TEX15: variants seen among roughly 807,000 people sequenced by gnomAD.
TEX15 encodes testis-expressed protein 15.
TEX15 carries 171 observed loss-of-function variants against 237.3 expected under a neutral mutation model. That is an observed-to-expected ratio of 0.72 (90% CI 0.64 to 0.82). The LOEUF is 0.82. Ranked by LOEUF, TEX15 falls within the 40% of genes least tolerant of loss-of-function variation. The pLI is 0.00. For synonymous variants in TEX15, 1,338 were observed against 1,269.8 expected (o/e 1.05, Z -1.14); for missense variants, 3,750 against 3,646.5 (o/e 1.03, Z -0.73).
chr8:30,907,627 T>TA (rs1354591459), intron 1 of TEX15, among the ~76,000 whole-genome samples: 1 of 144,716 alleles, frequency 6.9e-6, no homozygotes, highest in African/African-American at 2.5e-5. Flanking sequence ...AATTTATATA[T>TA]AAATTTTATA....
intron 8 of TEX15, 85 bp downstream of exon 8, chr8:30,841,919 A>G (rs1190547786): frequency 8.5e-6 from 8 of 940,830 alleles, no homozygotes; most frequent in East Asian, 2.6e-5. Flanking sequence ...TAACTTTTAG[A>G]ATTCTGCAAA....
In TEX15 at chr8:30,845,044, G is replaced by A. The variant is rs1485326193; in HGVS notation, c.5123C>T (p.Thr1708Ile). The change falls in exon 8 of 11, where the codon ACT (threonine) becomes ATT (isoleucine). Residue 1708 changes from threonine (T) to isoleucine (I), a missense_variant. Transcript: ENST00000643185. Reference protein sequence around the residue: ...GNFLMGPLNLTLIASKKYSIP... With the variant: ...GNFLMGPLNLILIASKKYSIP... ...ACTGTACTTTTTACTTGCTATCAAA[G>A]TTAGGTTTAATGGGCCCATAAGGAA... 2 of 1,613,484 alleles carry A rather than the reference G, an allele frequency of 1.2e-6. No individual in the cohort carries two copies. The highest frequency in any genetic ancestry group is 1.7e-6 in the Non-Finnish European group (2 of 1,179,592).
chr8:30,855,671 T>G (rs983531834), intron 7 of TEX15, among the ~76,000 whole-genome samples: 4 of 152,146 alleles, frequency 2.6e-5, no homozygotes, highest in African/African-American at 4.8e-5. Flanking sequence ...TTTGTAATTG[T>G]CAAAAGATGG....
At chr8:30,898,236 A>G (rs886174673) in intron 2 of TEX15, among the ~76,000 whole-genome samples, 1 of 152,210 alleles carries the variant, frequency 6.6e-6, no homozygotes. Flanking sequence ...TGAAACTCAC[A>G]TGTTGAAACC....
At position 30,845,209 on chromosome 8, in the gene TEX15, A is replaced by G. The variant is rs995673082; in HGVS notation, c.4958T>C (p.Val1653Ala). 4 of 1,613,394 alleles carry G rather than the reference A, an allele frequency of 2.5e-6. No homozygotes were observed. Among genetic ancestry groups the G allele is most frequent in the Non-Finnish European group, 3.4e-6 (4 of 1,179,552 alleles). Reference sequence around the variant, plus strand: ...AAAGTGCTTCACATTTGAATCTAAGACTGATATAAGTACGTCAGTTTTCGC... The same window carrying G: ...AAAGTGCTTCACATTTGAATCTAAGGCTGATATAAGTACGTCAGTTTTCGC... ...TKAKTDVLIS[V>A]LDSNVKHFLN... The change falls in exon 8 of 11, where the codon GTC (valine) becomes GCC (alanine). Residue 1653 changes from valine (V) to alanine (A), a missense_variant. Physicochemically the swap from Val to Ala is moderately conservative, Grantham distance 64 (BLOSUM62 0). Coordinates refer to ENST00000643185, the MANE Select transcript of TEX15 (RefSeq NM_001350162.2).
At chr8:30,891,214 G>A (rs578120693) in intron 2 of TEX15, among the ~76,000 whole-genome samples, 99 of 152,178 alleles carry the variant, frequency 6.5e-4, no homozygotes, top group Non-Finnish European at 1.2e-3. Flanking sequence ...TGAGGGCACC[G>A]TCATGGGAAG....
chr8:30,881,595 ATCCT>A (rs140355462), intron 3 of TEX15, among the ~76,000 whole-genome samples: 12,281 of 117,426 alleles, frequency 0.1, 1,558 homozygotes, highest in African/African-American at 0.26. Context: ...TTCATTAATT[ATCCT>A]TCCATCTTGA....
chr8:30,867,274 TA>T lies in TEX15; in HGVS notation c.530del (p.Leu177Ter). 6.8e-7 allele frequency: 1 copy of T among 1,471,070 alleles called. No homozygotes were observed. The highest frequency in any genetic ancestry group is 1.2e-5 in the South Asian group (1 of 82,516). 91.1% of individuals were successfully genotyped at this position (1,471,070 alleles called of 1,614,324 possible). On this transcript the variant is annotated frameshift_variant, in exon 5 of 11. Coordinates refer to ENST00000643185, the MANE Select transcript of TEX15 (RefSeq NM_001350162.2). LOFTEE classifies it high-confidence loss of function. ...GTTTTATGATACCTACCTTAAAAAT[TA>T]AAATACTTTCTACAGTAATGCTTTG... ...HSQSITVESI[L>X]IFKVLFGKVK...
At chr8:30,855,846 A>G (rs1807898349) in intron 7 of TEX15, among the ~76,000 whole-genome samples, 1 of 152,208 alleles carries the variant, frequency 6.6e-6, no homozygotes, top group African/African-American at 2.4e-5. Context: ...TCCAAAAACT[A>G]TGATTTTACT....
At chr8:30,879,286 ATGAAAG>A (rs1370972589) in intron 3 of TEX15, among the ~76,000 whole-genome samples, 1 of 152,146 alleles carries the variant, frequency 6.6e-6, no homozygotes, top group Non-Finnish European at 1.5e-5. Flanking sequence ...TCTGATTTTC[ATGAAAG>A]TGAATTTCTT....
Position 30,847,159 on chromosome 8 carries a change from T to C in TEX15, c.3008A>G (p.Gln1003Arg). The part of the protein sequence containing the change: ...PALSLNNDDH[Q>R]IYQFKETCSS... ...ACAAGTTTCTTTAAACTGGTATATC[T>C]GGTGATCGTCATTATTTAGGCTTAA... Residue 1003 changes from glutamine to arginine, a missense_variant, in exon 8 of 11, where the codon CAG (glutamine) becomes CGG (arginine). Gln to Arg is a conservative substitution (Grantham distance 43, BLOSUM62 1). Transcript: ENST00000643185. 1 of 1,613,920 alleles carries C rather than the reference T, an allele frequency of 6.2e-7. No homozygotes were observed. Among genetic ancestry groups the C allele is most frequent in the Non-Finnish European group, 8.5e-7 (1 of 1,179,866 alleles).
intron 10 of TEX15, among the ~76,000 whole-genome samples, chr8:30,834,952 C>G (rs1288505518): frequency 2.0e-5 from 3 of 152,144 alleles, no homozygotes; most frequent in Non-Finnish European, 4.4e-5. Flanking sequence ...CCATTTGTAA[C>G]AATATCCAGG....
At position 30,843,171 on chromosome 8, in the gene TEX15, A is replaced by C; in HGVS notation, c.6996T>G (p.Leu2332=). ...LNNEPISPIG[L]EEDTIIASRK... is the part of the protein sequence containing the mutation. ...TGGAAGCAATTATAGTATCCTCCTC[A>C]AGCCCAATAGGGGAAATTGGTTCAT... Residue 2332 remains leucine (L), a synonymous_variant, in exon 8 of 11, where the codon CTT becomes CTG. Transcript: ENST00000643185. 1 of 1,613,464 alleles carries C rather than the reference A, an allele frequency of 6.2e-7. No homozygotes were observed. Among genetic ancestry groups the C allele is most frequent in the South Asian group, 1.1e-5 (1 of 91,026 alleles).
intron 4 of TEX15, among the ~76,000 whole-genome samples, chr8:30,869,583 C>A (rs1043502055): frequency 1.3e-5 from 2 of 152,026 alleles, no homozygotes; most frequent in Admixed American, 6.6e-5. Flanking sequence ...GACAACTGTG[C>A]ATGCCCAAGG....
intron 3 of TEX15, among the ~76,000 whole-genome samples, chr8:30,875,606 G>C (rs550066014): frequency 1.4e-4 from 21 of 152,344 alleles, no homozygotes; most frequent in African/African-American, 4.8e-4. Flanking sequence ...CTCCAGCATT[G>C]TTGTAGTAAA....
chr8:30,852,100 C>CTTTTTTTTTTTTT (rs910989172), intron 7 of TEX15, among the ~76,000 whole-genome samples: 1 of 90,424 alleles, frequency 1.1e-5, no homozygotes, highest in African/African-American at 5.5e-5. Flanking sequence ...TTAATTTAAT[C>CTTTTTTTTTTTTT]TTTTTTTTTT....
chr8:30,912,108 C>G (rs528152991), intron 1 of TEX15, among the ~76,000 whole-genome samples: 2 of 152,340 alleles, frequency 1.3e-5, no homozygotes, highest in South Asian at 4.1e-4. Context: ...GCGCCCGCGT[C>G]GGAGCCCAGC....
intron 7 of TEX15, among the ~76,000 whole-genome samples, chr8:30,853,986 G>A (rs1807844283): frequency 6.6e-6 from 1 of 151,704 alleles, no homozygotes; most frequent in African/African-American, 2.4e-5. Context: ...ATATGTCATG[G>A]GACACAGCTA....
chr8:30,881,072 T>A (rs533987053), intron 3 of TEX15, among the ~76,000 whole-genome samples: 1 of 152,308 alleles, frequency 6.6e-6, no homozygotes, highest in East Asian at 1.9e-4. Context: ...CAGTATTATG[T>A]TGAATAAGAG....
Sources: allele counts gnomAD v4.1 joint callset (sites outside exome capture counted in the v4.1 genomes callset), GRCh38; gene constraint gnomAD v4.1.1; transcripts MANE v1.5; gene names NCBI Gene and HGNC (gene_info 2026-07-23, HGNC 2026-07-21).